PHF24: variants seen among roughly 807,000 people sequenced by gnomAD.
PHF24 encodes the protein Galpha inhibitory interacting protein.
Under a neutral mutation model 42.6 loss-of-function variants are expected in PHF24, and 25 were observed. That is an observed-to-expected ratio of 0.59 (90% CI 0.43 to 0.82). The LOEUF is 0.82. Ranked by LOEUF, PHF24 falls within the 40% of genes least tolerant of loss-of-function variation. The pLI, the probability that PHF24 is intolerant of heterozygous loss-of-function variation, is 0.00. For missense variants in PHF24, 470 were observed against 538.1 expected (o/e 0.87, Z 1.25); for synonymous variants, 185 against 204.8 (o/e 0.90, Z 0.83).
the PHF24 span, among the ~76,000 whole-genome samples, chr9:34,815,303 C>T: frequency 7.1e-6 from 1 of 141,282 alleles, no homozygotes; most frequent in African/African-American, 2.7e-5. Context: ...ACTTTGTTTT[C>T]CTTTAAGAAT....
chr9:34,875,938 ACACACACACACACTCTCT>A, the PHF24 span, among the ~76,000 whole-genome samples: 6 of 88,430 alleles, frequency 6.8e-5, no homozygotes, highest in African/African-American at 1.9e-4. Context: ...ACACACACAC[ACACACACACACACTCTCT>A]CTCTCTCTCT....
chr9:34,822,504 A>G, the PHF24 span, among the ~76,000 whole-genome samples: 3 of 152,304 alleles, frequency 2.0e-5, no homozygotes, highest in South Asian at 6.2e-4. Context: ...GTATCTTCAT[A>G]CCTCCAAAAA....
the PHF24 span, among the ~76,000 whole-genome samples, chr9:34,923,613 A>G: frequency 6.6e-6 from 1 of 152,228 alleles, no homozygotes; most frequent in South Asian, 2.1e-4. Context: ...TTATTGGCAT[A>G]GAGTTGCTTA....
chr9:34,899,616 GA>G, the PHF24 span, among the ~76,000 whole-genome samples: 3 of 152,230 alleles, frequency 2.0e-5, no homozygotes, highest in Non-Finnish European at 4.4e-5. Flanking sequence ...CCAAGAGCTA[GA>G]ATTTCCAGGG....
At chr9:34,728,732 A>T in the PHF24 span, 21 of 1,343,180 alleles carry the variant, frequency 1.6e-5, no homozygotes, top group African/African-American at 2.7e-4. Context: ...CAAAACTTAC[A>T]TACATTTTTC....
chr9:34,698,754 A>G, the PHF24 span, among the ~76,000 whole-genome samples: 1 of 152,210 alleles, frequency 6.6e-6, no homozygotes, highest in African/African-American at 2.4e-5. Flanking sequence ...TGCTGGGATT[A>G]CAGGTGTGAG....
the PHF24 span, among the ~76,000 whole-genome samples, chr9:34,906,262 A>G: frequency 2.6e-5 from 4 of 152,084 alleles, no homozygotes; most frequent in African/African-American, 4.8e-5. Flanking sequence ...TTGGATTACA[A>G]TTTGGTTTTA....
chr9:34,742,718 C>T, the PHF24 span, among the ~76,000 whole-genome samples: 1 of 143,132 alleles, frequency 7.0e-6, no homozygotes, highest in East Asian at 2.1e-4. Flanking sequence ...GTGTGAGCCA[C>T]AATGCCCGGC....
the PHF24 span, among the ~76,000 whole-genome samples, chr9:34,870,519 A>T: frequency 1.3e-5 from 2 of 151,910 alleles, no homozygotes; most frequent in Admixed American, 1.3e-4. Context: ...ATTATACAGT[A>T]TGTAGCCTTT....
chr9:34,945,709 C>G, the PHF24 span, among the ~76,000 whole-genome samples: 1 of 152,278 alleles, frequency 6.6e-6, no homozygotes, highest in African/African-American at 2.4e-5. Flanking sequence ...GCCCTTCCAC[C>G]ATGTTATAAC....
At chr9:34,881,455 T>C in the PHF24 span, among the ~76,000 whole-genome samples, 3 of 151,910 alleles carry the variant, frequency 2.0e-5, no homozygotes, top group African/African-American at 4.8e-5. Flanking sequence ...AAAATTGATA[T>C]ACTGCTAGCA....
the PHF24 span, among the ~76,000 whole-genome samples, chr9:34,809,069 T>A: frequency 6.6e-6 from 1 of 151,342 alleles, no homozygotes; most frequent in South Asian, 2.1e-4. The surrounding 1 kb of genome is among the most constrained non-coding windows in gnomAD (Gnocchi z 4.1). Flanking sequence ...AATAAATAAA[T>A]TTTAAAAACC....
the PHF24 span, among the ~76,000 whole-genome samples, chr9:34,782,665 G>A: frequency 6.6e-6 from 1 of 152,112 alleles, no homozygotes; most frequent in African/African-American, 2.4e-5. Flanking sequence ...ACTTAGAGAG[G>A]CATTTATGAA....
chr9:34,836,222 G>T, the PHF24 span, among the ~76,000 whole-genome samples: 1 of 152,158 alleles, frequency 6.6e-6, no homozygotes, highest in African/African-American at 2.4e-5. Flanking sequence ...ATTTGGTAAG[G>T]TATGGTGGGC....
At chr9:34,844,365 C>T in the PHF24 span, among the ~76,000 whole-genome samples, 1 of 151,628 alleles carries the variant, frequency 6.6e-6, no homozygotes, top group Non-Finnish European at 1.5e-5. Flanking sequence ...TTTCTAGTTC[C>T]TTGAGGTGTA....
the PHF24 span, among the ~76,000 whole-genome samples, chr9:34,897,647 C>T: frequency 2.6e-5 from 4 of 152,250 alleles, no homozygotes; most frequent in African/African-American, 9.6e-5. Context: ...ATTTGACAAA[C>T]AAATGGATTA....
chr9:34,728,006 A>T, the PHF24 span: 2 of 1,551,160 alleles, frequency 1.3e-6, no homozygotes, highest in Non-Finnish European at 1.7e-6. Context: ...ATAGAGTGCA[A>T]AGAGCAATAG....
chr9:34,691,179 C>T, the PHF24 span: 194 of 1,598,356 alleles, frequency 1.2e-4, no homozygotes, highest in Non-Finnish European at 1.6e-4. Flanking sequence ...AATGTGTGAG[C>T]GCCAGCTGTC....
At chr9:34,742,293 A>C in the PHF24 span, among the ~76,000 whole-genome samples, 4 of 152,360 alleles carry the variant, frequency 2.6e-5, no homozygotes, top group Admixed American at 2.0e-4. Context: ...GTCCCCTCAC[A>C]AACTCAAGTT....
Sources: allele counts gnomAD v4.1 joint callset (sites outside exome capture counted in the v4.1 genomes callset), GRCh38; gene constraint gnomAD v4.1.1; non-coding constraint Gnocchi (gnomAD v3.1); transcripts MANE v1.5; gene names NCBI Gene and HGNC (gene_info 2026-07-23, HGNC 2026-07-21).